DES: variants seen among roughly 807,000 people sequenced by gnomAD.
DES encodes the protein cardiomyopathy, dilated 1F (autosomal dominant).
DES carries 34 observed loss-of-function variants against 55.1 expected under a neutral mutation model. The observed-to-expected ratio is 0.62, with a 90% CI of 0.47 to 0.82. The LOEUF (loss-of-function observed/expected upper bound fraction) is 0.82, where lower values mean the gene tolerates loss of function less well. Ranked by LOEUF, DES falls within the 40% of genes least tolerant of loss-of-function variation. The pLI, the probability that DES is intolerant of heterozygous loss-of-function variation, is 0.00. For missense variants in DES, 596 were observed against 645.9 expected (o/e 0.92, Z 0.84); for synonymous variants, 259 against 270.8 (o/e 0.96, Z 0.43).
Position 219,423,674 on chromosome 2 carries a change from G to C in DES, c.1245-103G>C, listed in dbSNP as rs1954483687. Reference sequence around the variant, plus strand: ...CAGGATGGTCTCGATCTCCTGACCTGGTGATCCGCCCGCCTCGGCCTTTCA... The same window carrying C: ...CAGGATGGTCTCGATCTCCTGACCTCGTGATCCGCCCGCCTCGGCCTTTCA... On this transcript the variant is annotated intron_variant, in intron 6 of 8. Coordinates refer to ENST00000373960, the MANE Select transcript of DES (RefSeq NM_001927.4). 69 of 1,113,102 alleles carry C rather than the reference G, an allele frequency of 6.2e-5. 1 individual carries two copies. The South Asian group carries it at 8.2e-4, about 13-fold the overall frequency. 69.0% of individuals were successfully genotyped at this position (1,113,102 alleles called of 1,614,324 possible).
In DES at chr2:219,420,609, A is replaced by G. The variant is rs1954420957; in HGVS notation, c.850A>G (p.Ile284Val). The change falls in exon 4 of 9, where the codon ATC (isoleucine) becomes GTC (valine). Residue 284 changes from isoleucine (I) to valine (V), a missense_variant. Transcript: ENST00000373960. This position sits in a 1 kb window ranked among gnomAD's most constrained non-coding sequence, Gnocchi z 6.0. ...GGACATCCGGGCTCAGTATGAGACC[A>G]TCGCGGCTAAGAACATTTCTGAAGC... ...LRDIRAQYET[I>V]AAKNISEAEE... The G allele has an allele frequency of 5.0e-6, 8 of 1,614,102 alleles. No homozygotes were observed. Among genetic ancestry groups the G allele is most frequent in the East Asian group, 2.2e-5 (1 of 44,872 alleles).
In DES at chr2:219,420,017, T is replaced by A; in HGVS notation, c.579-78T>A. The A allele has an allele frequency of 2.0e-6, 3 of 1,502,768 alleles. No homozygotes were observed. The highest frequency in any genetic ancestry group is 2.8e-6 in the Non-Finnish European group (3 of 1,080,060). The allele number at this position is 1,502,768 out of a possible 1,614,324, so 93.1% of individuals were successfully genotyped here. ...CCCGCTCTGTCCTGGACCCACCCCC[T>A]GGTCAGCCCCCGGCCAGTCGTTTCC... is the stretch of plus-strand genomic sequence containing the variant. On this transcript the variant is annotated intron_variant, in intron 1 of 8. Transcript: ENST00000373960. This position sits in a 1 kb window ranked among gnomAD's most constrained non-coding sequence, Gnocchi z 6.0.
Position 219,426,386 on chromosome 2 carries a change from A to C in DES, c.*396A>C. The C allele has an allele frequency of 2.8e-6, 1 of 357,944 alleles. No homozygotes were observed. The highest frequency in any genetic ancestry group is 5.4e-6 in the Non-Finnish European group (1 of 185,622). The allele number at this position is 357,944 out of a possible 1,614,324, so 22.2% of individuals were successfully genotyped here. On this transcript the variant is annotated 3_prime_UTR_variant, in exon 9 of 9. Coordinates refer to ENST00000373960, the MANE Select transcript of DES (RefSeq NM_001927.4). This position sits in a 1 kb window ranked among gnomAD's most constrained non-coding sequence, Gnocchi z 4.5. Reference sequence around the variant, plus strand: ...GCAGGGCCAGGACTGAGCCCCGCAGACCTCCCCAGCCCCTAGCCCAGGAGA... The same window carrying C: ...GCAGGGCCAGGACTGAGCCCCGCAGCCCTCCCCAGCCCCTAGCCCAGGAGA...
chr2:219,421,776 C>G (rs543840943), intron 6 of DES, among the ~76,000 whole-genome samples: 1 of 152,214 alleles, frequency 6.6e-6, no homozygotes, highest in South Asian at 2.1e-4. Flanking sequence ...AAGCAATTCT[C>G]CTGCCTCAGC....
intron 6 of DES, among the ~76,000 whole-genome samples, chr2:219,422,576 T>C (rs1291377256): frequency 6.7e-6 from 1 of 149,044 alleles, no homozygotes; most frequent in Non-Finnish European, 1.5e-5. Context: ...GCGGTTCTCC[T>C]GTCTCAGCCT....
Position 219,418,380 on chromosome 2 carries a change from TC to T in DES, c.-79del. The T allele has an allele frequency of 7.3e-7, 1 of 1,377,030 alleles. No homozygotes were observed. 85.3% of individuals were successfully genotyped at this position (1,377,030 alleles called of 1,614,324 possible). On this transcript the variant is annotated 5_prime_UTR_variant, in exon 1 of 9. Transcript: ENST00000373960. ...AGTGCCGACGGCTGGGGGCCCTGTC[TC>T]CCCTCGCCGCATCCACTCTCCGGCC...
At position 219,418,970 on chromosome 2, in the gene DES, AC is replaced by A; in HGVS notation, c.509del (p.Thr170IlefsTer31). On this transcript the variant is annotated frameshift_variant, in exon 1 of 9. Transcript: ENST00000373960. LOFTEE classifies it high-confidence loss of function. ...GCTGCGGCGCCAGGTGGAGGTGCTC[AC>A]TAACCAGCGCGCGCGCGTCGACGTC... ...RELRRQVEVL[T>X]NQRARVDVER... is the part of the protein sequence containing the mutation. The A allele has an allele frequency of 6.4e-7, 1 of 1,554,716 alleles. No homozygotes were observed. Among genetic ancestry groups the A allele is most frequent in the Non-Finnish European group, 8.7e-7 (1 of 1,149,536 alleles).
In DES at chr2:219,420,182, T is replaced by C. The variant is rs778625042; in HGVS notation, c.639+27T>C. The C allele has an allele frequency of 5.0e-6, 8 of 1,613,988 alleles. No individual in the cohort carries two copies. Among genetic ancestry groups the C allele is most frequent in the Non-Finnish European group, 5.9e-6 (7 of 1,179,832 alleles). ...TGAGTGCCCTTCTTTTCCCCTTGCA[T>C]GGCCTCTGGCCTTGCTCTGCCCCAC... is the stretch of plus-strand genomic sequence containing the variant. On this transcript the variant is annotated intron_variant, in intron 2 of 8. Transcript: ENST00000373960. This position sits in a 1 kb window ranked among gnomAD's most constrained non-coding sequence, Gnocchi z 6.0.
Position 219,418,950 on chromosome 2 carries a change from G to T in DES, c.488G>T (p.Arg163Leu). The T allele has an allele frequency of 6.4e-7, 1 of 1,555,578 alleles. No homozygotes were observed. The highest frequency in any genetic ancestry group is 8.7e-7 in the Non-Finnish European group (1 of 1,149,680). The change falls in exon 1 of 9, where the codon CGG (arginine) becomes CTG (leucine). Residue 163 changes from arginine to leucine, a missense_variant. Transcript: ENST00000373960. ...TACGAGGAGGAGCTGCGGGAGCTGC[G>T]GCGCCAGGTGGAGGTGCTCACTAAC... ...ELYEEELREL[R>L]RQVEVLTNQR...
chr2:219,425,850 G>T, intron 8 of DES, 99 bp from the exon 9 acceptor site: 6 of 1,599,892 alleles, frequency 3.8e-6, no homozygotes, highest in Admixed American at 3.3e-5. Flanking sequence ...GGCTAGTGGG[G>T]CAAGAGAGAT....
chr2:219,423,107 G>A (rs1034081087), intron 6 of DES, among the ~76,000 whole-genome samples: 9 of 152,264 alleles, frequency 5.9e-5, no homozygotes, highest in Admixed American at 3.9e-4. Flanking sequence ...TCTCAGAACT[G>A]GCCTGGCTGG....
At position 219,424,519 on chromosome 2, in the gene DES, G is replaced by A. The variant is rs533192372; in HGVS notation, c.1288+699G>A. Among the ~76,000 whole-genome samples the A allele has an allele frequency of 1.1e-3, 170 of 152,254 alleles. 1 individual carries two copies. The highest frequency in any genetic ancestry group is 2.0e-3 in the African/African-American group (82 of 41,562). On this transcript the variant is annotated intron_variant, in intron 7 of 8. Transcript: ENST00000373960. ...ACATTTCCATCAGGAAAAAAAACAC[G>A]CTGCGCTCCAGCGAGTCACAACATT...
chr2:219,421,056 T>A, intron 5 of DES, 103 bp downstream of exon 5: 2 of 1,463,188 alleles, frequency 1.4e-6, no homozygotes, highest in African/African-American at 2.8e-5. Context: ...TGGGCCTTCA[T>A]CTACTTAAAT....
intron 8 of DES, 87 bp downstream of exon 8, chr2:219,425,832 AG>A: frequency 6.2e-7 from 1 of 1,600,100 alleles, no homozygotes; most frequent in Non-Finnish European, 8.6e-7. Context: ...GTGCTGGTCT[AG>A]GTCCCTGGCT....
chr2:219,425,712 G>A lies in DES; in HGVS notation c.1338G>A (p.Val446=), dbSNP rs1366079067. The change falls in exon 8 of 9, where the codon GTG becomes GTA. Residue 446 remains valine (V), a synonymous_variant. Coordinates refer to ENST00000373960, the MANE Select transcript of DES (RefSeq NM_001927.4). ...CTGAGGTCCATACCAAGAAGACGGT[G>A]ATGATCAAGACCATCGAGACACGGG... The part of the protein sequence containing the change: ...RGSEVHTKKT[V]MIKTIETRDG... 1 of 1,600,726 alleles carries A rather than the reference G, an allele frequency of 6.2e-7. No homozygotes were observed. Among genetic ancestry groups the A allele is most frequent in the Non-Finnish European group, 8.5e-7 (1 of 1,173,788 alleles).
chr2:219,421,706 G>A (rs1452863766), intron 6 of DES, 146 bp downstream of exon 6: 8 of 725,732 alleles, frequency 1.1e-5, no homozygotes, highest in South Asian at 3.8e-5. Context: ...CGCTCTTGTC[G>A]CCCAGTCTGG....
At chr2:219,421,864 A>G (rs1021912115) in intron 6 of DES, among the ~76,000 whole-genome samples, 1 of 151,842 alleles carries the variant, frequency 6.6e-6, no homozygotes, top group Non-Finnish European at 1.5e-5. Context: ...ACGGGGTTTC[A>G]CTATGTTGGG....
chr2:219,426,529 G>C lies in DES; in HGVS notation c.*539G>C, dbSNP rs969442170. The C allele has an allele frequency of 5.2e-6, 1 of 193,444 alleles. No homozygotes were observed. Among genetic ancestry groups the C allele is most frequent in the Non-Finnish European group, 1.1e-5 (1 of 91,910 alleles). 12.0% of individuals were successfully genotyped at this position (193,444 alleles called of 1,614,324 possible). A position where few individuals can be genotyped will look rare whatever the true frequency, so the allele number is the denominator to read the frequency against. On this transcript the variant is annotated 3_prime_UTR_variant, in exon 9 of 9. Transcript: ENST00000373960. The surrounding 1 kb of genome is among the most constrained non-coding windows in gnomAD (Gnocchi z 4.5). ...GCCCAGGGTGGACTTAGAAAGCAGGGGCTACAAGAGGGAATCCCCGAAGGT... is the reference window on the plus strand; with the variant it reads ...GCCCAGGGTGGACTTAGAAAGCAGGCGCTACAAGAGGGAATCCCCGAAGGT...
intron 6 of DES, among the ~76,000 whole-genome samples, chr2:219,423,343 G>A (rs1221324492): frequency 1.3e-5 from 2 of 152,164 alleles, no homozygotes; most frequent in Non-Finnish European, 2.9e-5. Context: ...TGGGTGGTGG[G>A]AGTGCTGGGG....
Sources: gnomAD v4.1 joint callset for allele counts (sites outside exome capture counted in the v4.1 genomes callset) on GRCh38, gnomAD v4.1.1 for gene constraint, Gnocchi (gnomAD v3.1) non-coding constraint, MANE v1.5 for transcripts, NCBI Gene and HGNC (gene_info 2026-07-23, HGNC 2026-07-21) for gene names.